The following IL1RAPL1 variants were observed in gnomAD, a reference collection of about 807,000 sequenced individuals.
The protein encoded by IL1RAPL1 is interleukin 1 receptor accessory protein like 1, also known as interleukin-1 receptor accessory protein-like 1.
A neutral mutation model predicts 48.4 loss-of-function variants in IL1RAPL1; 3 were observed. The ratio of observed to expected loss-of-function variants is 0.06; its 90% CI spans 0.03 to 0.16. IL1RAPL1 has a LOEUF of 0.16. Ranked by LOEUF, IL1RAPL1 falls within the 10% of genes least tolerant of loss-of-function variation. IL1RAPL1 has a pLI of 1.00. For missense variants in IL1RAPL1, 349 were observed against 530.6 expected, an observed-to-expected ratio of 0.66 and a Z score of 3.36; for synonymous variants, 185 against 187.7, an observed-to-expected ratio of 0.99 and a Z score of 0.12.
chrX:29,146,414 T>C (rs934525075), intron 2 of IL1RAPL1, among the ~76,000 whole-genome samples: 1 of 111,492 alleles, frequency 9.0e-6, no homozygotes, highest in African/African-American at 3.3e-5. Context: ...TTGCACCCTT[T>C]CCCTCCTTAC....
intron 2 of IL1RAPL1, among the ~76,000 whole-genome samples, chrX:28,985,752 C>G (rs561170278): frequency 1.1e-4 from 12 of 107,544 alleles, no homozygotes; most frequent in African/African-American, 4.1e-4. Flanking sequence ...CTCCGCCTCC[C>G]GGGTTCACGC....
In IL1RAPL1 at chrX:28,749,141, A is replaced by G. The variant is rs141229867; in HGVS notation, c.-24-40179A>G. ...GTATTCGATTCTGTAGATATACCAC[A>G]TTTTCTTTATCCATTCATCTGTTGT... On this transcript the variant is annotated intron_variant, in intron 1 of 10. Coordinates refer to ENST00000378993, the MANE Select transcript of IL1RAPL1 (RefSeq NM_014271.4). Among the ~76,000 whole-genome samples the G allele has an allele frequency of 9.6e-3, 1,072 of 111,466 alleles. 12 individuals are homozygous for G. The highest frequency in any genetic ancestry group is 0.066 in the South Asian group (174 of 2,651).
intron 5 of IL1RAPL1, among the ~76,000 whole-genome samples, chrX:29,504,198 A>G (rs1935304932): frequency 1.8e-5 from 2 of 110,918 alleles, no homozygotes; most frequent in Non-Finnish European, 3.8e-5. Context: ...CAGAAAATAT[A>G]CTGATGTGAT....
Position 29,081,020 on chromosome X carries a change from C to CTCTTTCTTTTCTTTTCT in IL1RAPL1, c.83-201917_83-201916insCTTTCTTTTCTTTTCTT, listed in dbSNP as rs1555960745. On this transcript the variant is annotated intron_variant, in intron 2 of 10. Coordinates refer to ENST00000378993, the MANE Select transcript of IL1RAPL1 (RefSeq NM_014271.4). ...TCTCTCTCTCTCTCTCTCTCTCTCT[C>CTCTTTCTTTTCTTTTCT]TTTCTTTTCTTTTCTTTTCTTTTCT... Among the ~76,000 whole-genome samples the CTCTTTCTTTTCTTTTCT allele has an allele frequency of 4.1e-4, 17 of 41,899 alleles. No homozygotes were observed. The East Asian group carries it at 6.4e-3, about 16-fold the overall frequency. The allele number at this position is 41,899 out of a possible 115,157, so 36.4% of individuals were successfully genotyped here.
At chrX:29,572,518 C>T (rs948721445) in intron 5 of IL1RAPL1, among the ~76,000 whole-genome samples, 8 of 112,350 alleles carry the variant, frequency 7.1e-5, no homozygotes, top group African/African-American at 2.6e-4. Context: ...TTTGTTTATA[C>T]ATTTACATAA....
At chrX:28,788,642 T>TTG (rs1443276495) in intron 1 of IL1RAPL1, among the ~76,000 whole-genome samples, 2 of 107,443 alleles carry the variant, frequency 1.9e-5, no homozygotes, top group Non-Finnish European at 3.9e-5. Flanking sequence ...ATTTTTTTTT[T>TTG]TTTTTGTAGT....
At chrX:28,588,332 T>A (rs765568935) in intron 1 of IL1RAPL1, among the ~76,000 whole-genome samples, 1 of 110,025 alleles carries the variant, frequency 9.1e-6, no homozygotes, top group South Asian at 4.0e-4. Context: ...TCTCCCCCAA[T>A]TATTTTGATA....
chrX:28,808,808 G>A (rs749637952), intron 2 of IL1RAPL1, among the ~76,000 whole-genome samples: 1 of 110,522 alleles, frequency 9.0e-6, no homozygotes, highest in East Asian at 2.9e-4. Context: ...AGGAGAAGGA[G>A]GGTATTTTTC....
chrX:28,825,845 A>G (rs1936989645), intron 2 of IL1RAPL1, among the ~76,000 whole-genome samples: 1 of 111,454 alleles, frequency 9.0e-6, no homozygotes, highest in South Asian at 3.6e-4. Context: ...TCCTGTAAAC[A>G]TATGGATGGT....
chrX:29,381,812 G>T, intron 3 of IL1RAPL1, among the ~76,000 whole-genome samples: 1 of 23,293 alleles, frequency 4.3e-5, no homozygotes, highest in African/African-American at 1.7e-4. Flanking sequence ...CAAGACTGTT[G>T]CCAAAAAAAA....
At chrX:29,415,651 C>T (rs964430794) in intron 5 of IL1RAPL1, among the ~76,000 whole-genome samples, 8 of 111,603 alleles carry the variant, frequency 7.2e-5, no homozygotes, top group Admixed American at 1.9e-4. Context: ...GAACTCCTGA[C>T]GTTGTGATCC....
intron 6 of IL1RAPL1, among the ~76,000 whole-genome samples, chrX:29,678,288 C>CAA (rs1193753758): frequency 2.0e-5 from 2 of 100,484 alleles, no homozygotes; most frequent in South Asian, 4.7e-4. Flanking sequence ...AGCCCCATAG[C>CAA]AAAACTTCAT....
chrX:29,601,474 C>G (rs769582128), intron 5 of IL1RAPL1, among the ~76,000 whole-genome samples: 1 of 111,803 alleles, frequency 8.9e-6, no homozygotes, highest in South Asian at 3.8e-4. Flanking sequence ...ATTTTAAGGT[C>G]TATCAGTGAA....
At chrX:29,890,190 G>A (rs1932249095) in intron 6 of IL1RAPL1, among the ~76,000 whole-genome samples, 3 of 111,579 alleles carry the variant, frequency 2.7e-5, no homozygotes, top group African/African-American at 9.8e-5. Flanking sequence ...CACGGACATA[G>A]TTTGGAACTA....
At chrX:29,070,095 AT>A (rs1179286169) in intron 2 of IL1RAPL1, among the ~76,000 whole-genome samples, 1 of 112,078 alleles carries the variant, frequency 8.9e-6, no homozygotes, top group Non-Finnish European at 1.9e-5. Flanking sequence ...AAATTTATGA[AT>A]TCTTATATCA....
chrX:29,056,943 A>G (rs761462821), intron 2 of IL1RAPL1, among the ~76,000 whole-genome samples: 2 of 112,295 alleles, frequency 1.8e-5, no homozygotes, highest in Non-Finnish European at 3.8e-5. Flanking sequence ...ATTTCAAGCA[A>G]ATAAGATCCA....
intron 8 of IL1RAPL1, among the ~76,000 whole-genome samples, chrX:29,924,218 C>G (rs908420765): frequency 4.5e-5 from 5 of 112,185 alleles, no homozygotes; most frequent in African/African-American, 1.6e-4. Flanking sequence ...TTTCCTTGCT[C>G]TAACTATGTG....
intron 6 of IL1RAPL1, among the ~76,000 whole-genome samples, chrX:29,728,429 G>A (rs1320036535): frequency 8.9e-6 from 1 of 111,846 alleles, no homozygotes; most frequent in African/African-American, 3.3e-5. Flanking sequence ...AAAAATATTA[G>A]TGTGTTTGAT....
chrX:29,696,148 C>A (rs776006132), intron 6 of IL1RAPL1, among the ~76,000 whole-genome samples: 2 of 111,025 alleles, frequency 1.8e-5, no homozygotes, highest in Non-Finnish European at 3.8e-5. Flanking sequence ...TATTTATCAG[C>A]ATCCCTGGCC....
Sources: allele counts gnomAD v4.1 joint callset (sites outside exome capture counted in the v4.1 genomes callset), GRCh38; gene constraint gnomAD v4.1.1; transcripts MANE v1.5; gene names NCBI Gene and HGNC (gene_info 2026-07-23, HGNC 2026-07-21).